Variants in CSMD2 observed in about 807,000 individuals in gnomAD.
CSMD2 encodes CUB and Sushi multiple domains 2.
In CSMD2, 130 loss-of-function variants were observed where a neutral mutation model predicts 398.5. The ratio of observed to expected loss-of-function variants is 0.33; its 90% CI spans 0.28 to 0.38. The LOEUF is 0.38. Ranked by LOEUF, CSMD2 falls within the 10% of genes least tolerant of loss-of-function variation. CSMD2 has a pLI of 1.00. For synonymous variants in CSMD2, 1,828 were observed against 1,908.5 expected, an observed-to-expected ratio of 0.96 and a Z score of 1.10; for missense variants, 3,829 against 4,764.9, an observed-to-expected ratio of 0.80 and a Z score of 5.78.
In CSMD2 at chr1:34,089,090, G is replaced by T; in HGVS notation, c.291C>A (p.Thr97=). 1 of 1,614,164 alleles carries T rather than the reference G, an allele frequency of 6.2e-7. No individual in the cohort carries two copies. Among genetic ancestry groups the T allele is most frequent in the Non-Finnish European group, 8.5e-7 (1 of 1,180,028 alleles). The change falls in exon 2 of 71, where the codon ACC becomes ACA. Residue 97 remains threonine (T), a synonymous_variant. Coordinates refer to ENST00000373381, the MANE Select transcript of CSMD2 (RefSeq NM_001281956.2). ...PNYANCTWTI[T]AEEQHRIQLV... ...GCTGGATTCTGTGCTGCTCTTCCGC[G>T]GTGATGGTCCACGTGCAGTTGGCGT...
intron 44 of CSMD2, chr1:33,598,757 C>G (rs192583187): frequency 2.0e-5 from 3 of 150,640 alleles, no homozygotes; most frequent in African/African-American, 7.4e-5. Context: ...CTGCAACCTC[C>G]GCCTCCCAGG....
At chr1:33,578,887 C>T (rs147480220) in intron 48 of CSMD2, among the ~76,000 whole-genome samples, 77 of 152,276 alleles carry the variant, frequency 5.1e-4, no homozygotes, top group African/African-American at 1.5e-3. Flanking sequence ...CCTTCCAAGC[C>T]GAATTTGTTT....
At chr1:34,003,945 C>T (rs1293276875) in intron 3 of CSMD2, among the ~76,000 whole-genome samples, 1 of 152,176 alleles carries the variant, frequency 6.6e-6, no homozygotes, top group African/African-American at 2.4e-5. Context: ...ACTGCCCTGC[C>T]CCCATCCCAT....
intron 1 of CSMD2, among the ~76,000 whole-genome samples, chr1:34,130,426 G>C (rs1663226544): frequency 7.3e-6 from 1 of 137,348 alleles, no homozygotes; most frequent in Non-Finnish European, 1.6e-5. Context: ...TTGTTTTCCA[G>C]TAAGAGCAAA....
intron 22 of CSMD2, among the ~76,000 whole-genome samples, chr1:33,705,245 G>A (rs2149135037): frequency 6.6e-6 from 1 of 152,174 alleles, no homozygotes; most frequent in East Asian, 1.9e-4. Flanking sequence ...ATCTTTTTCT[G>A]TGGTGAGAAC....
In CSMD2 at chr1:34,015,497, G is replaced by A. The variant is rs553199851; in HGVS notation, c.517+17097C>T. Among the ~76,000 whole-genome samples the A allele has an allele frequency of 2.0e-5, 3 of 152,270 alleles. No homozygotes were observed. In the South Asian group the frequency reaches 6.2e-4, roughly 32 times the overall value. On this transcript the variant is annotated intron_variant, in intron 3 of 70. Transcript: ENST00000373381. ...AGGCATGAGGAGCCACCATGGCACT[G>A]GGTCTAGGCTTACTTGGGCCTGGGG...
At chr1:33,538,470 G>C (rs1456526583) in intron 60 of CSMD2, among the ~76,000 whole-genome samples, 1 of 152,200 alleles carries the variant, frequency 6.6e-6, no homozygotes, top group Non-Finnish European at 1.5e-5. Flanking sequence ...ATGTGTGTGC[G>C]TGTGCGTGTG....
chr1:34,103,649 T>G (rs1002165913), intron 1 of CSMD2, among the ~76,000 whole-genome samples: 1 of 152,098 alleles, frequency 6.6e-6, no homozygotes, highest in South Asian at 2.1e-4. Flanking sequence ...TACTTGCCCA[T>G]AGTAGACACT....
At chr1:33,709,431 TA>T (rs201080111) in intron 21 of CSMD2, 173 bp from the exon 22 acceptor site, 5,008 of 479,536 alleles carry the variant, frequency 0.01, no homozygotes, top group South Asian at 0.026. Flanking sequence ...CTCTCAAACT[TA>T]AAAAAAAAAT....
rs374735173 is a variant in CSMD2 at position 33,931,982 on chromosome 1, A to G, written c.712+3778T>C. Among the ~76,000 whole-genome samples, 3 of 152,324 alleles carry G rather than the reference A, an allele frequency of 2.0e-5. No homozygotes were observed. In the East Asian group the frequency reaches 5.8e-4, roughly 29 times the overall value. On this transcript the variant is annotated intron_variant, in intron 4 of 70. Coordinates refer to ENST00000373381, the MANE Select transcript of CSMD2 (RefSeq NM_001281956.2). ...AGCCTGGACCATCATCTGAAGAGCA[A>G]CAGAGATGTGGAGGGGGTAGGCTGG... is the stretch of plus-strand genomic sequence containing the variant.
At chr1:33,735,787 G>C (rs1646866447) in intron 15 of CSMD2, among the ~76,000 whole-genome samples, 1 of 152,140 alleles carries the variant, frequency 6.6e-6, no homozygotes, top group African/African-American at 2.4e-5. Flanking sequence ...ATTAGCTTCT[G>C]CATTTAATTG....
chr1:33,584,109 G>A (rs1638908072), intron 46 of CSMD2, among the ~76,000 whole-genome samples: 1 of 152,176 alleles, frequency 6.6e-6, no homozygotes, highest in South Asian at 2.1e-4. Context: ...GAGTAGGGGA[G>A]GATGGAACAT....
chr1:33,519,458 T>G lies in CSMD2; in HGVS notation c.*53+7A>C. The G allele has an allele frequency of 1.9e-6, 3 of 1,561,352 alleles. No homozygotes were observed. Among genetic ancestry groups the G allele is most frequent in the Non-Finnish European group, 1.8e-6 (2 of 1,140,458 alleles). ...ATGGCCTGTCTTCCTCCCACACCCC[T>G]GCTCACCGGCTGCTGGAGGCGGGGC... On this transcript the variant is annotated splice_region_variant and intron_variant, in intron 70 of 70. Transcript: ENST00000373381. The surrounding 1 kb of genome is among the most constrained non-coding windows in gnomAD (Gnocchi z 5.6).
chr1:33,614,396 T>G (rs1362093647), intron 40 of CSMD2, 108 bp downstream of exon 40: 6 of 712,552 alleles, frequency 8.4e-6, no homozygotes, highest in Non-Finnish European at 1.0e-5. Flanking sequence ...GGCAGAGTAC[T>G]AAACAGACTT....
intron 1 of CSMD2, among the ~76,000 whole-genome samples, chr1:34,108,918 T>C (rs1401360379): frequency 6.6e-6 from 1 of 152,030 alleles, no homozygotes; most frequent in Non-Finnish European, 1.5e-5. Flanking sequence ...GGAGGACAGG[T>C]GGGAGGCTAA....
At chr1:33,718,434 A>G (rs970753994) in intron 19 of CSMD2, among the ~76,000 whole-genome samples, 2 of 152,234 alleles carry the variant, frequency 1.3e-5, no homozygotes, top group African/African-American at 4.8e-5. Flanking sequence ...ATGCACACAC[A>G]AATACTTAAC....
intron 19 of CSMD2, among the ~76,000 whole-genome samples, chr1:33,720,214 T>TG (rs1396072007): frequency 1.3e-5 from 2 of 152,218 alleles, no homozygotes; most frequent in Non-Finnish European, 2.9e-5. Context: ...GTTCCTTATG[T>TG]GCCGGGCATA....
chr1:33,706,838 G>T (rs1200575932), intron 22 of CSMD2, among the ~76,000 whole-genome samples: 1 of 151,590 alleles, frequency 6.6e-6, no homozygotes, highest in Admixed American at 6.6e-5. Context: ...GTATGTGTGT[G>T]TGCGTGTGTG....
At chr1:34,091,879 T>G (rs936426969) in intron 1 of CSMD2, among the ~76,000 whole-genome samples, 5 of 152,120 alleles carry the variant, frequency 3.3e-5, no homozygotes, top group African/African-American at 1.2e-4. Flanking sequence ...TTTCACGGCT[T>G]ATTGGAAGAG....
Sources: gnomAD v4.1 joint callset for allele counts (sites outside exome capture counted in the v4.1 genomes callset) on GRCh38, gnomAD v4.1.1 for gene constraint, Gnocchi (gnomAD v3.1) non-coding constraint, MANE v1.5 for transcripts, NCBI Gene and HGNC (gene_info 2026-07-23, HGNC 2026-07-21) for gene names.